The following DGKE variants were observed in gnomAD, a reference collection of about 807,000 sequenced individuals.
DGKE encodes DAG kinase epsilon.
Under a neutral mutation model 70.0 loss-of-function variants are expected in DGKE, and 53 were observed. The observed-to-expected ratio is 0.76, with a 90% confidence interval of 0.61 to 0.95. DGKE has a LOEUF of 0.95. DGKE is among the 40% of genes least tolerant of loss of function. DGKE has a pLI of 0.00. For missense variants in DGKE, 655 were observed against 706.9 expected (o/e 0.93, Z 0.83); for synonymous variants, 291 against 257.0 (o/e 1.13, Z -1.27).
At chr17:56,844,373 G>A (rs538666602) in intron 3 of DGKE, among the ~76,000 whole-genome samples, 195 bp downstream of exon 3, 16 of 152,050 alleles carry the variant, frequency 1.1e-4, no homozygotes, top group Non-Finnish European at 2.2e-4. Flanking sequence ...CCTAGAGATG[G>A]GTCAAAAATT....
At chr17:56,836,235 C>G (rs150322263) in intron 2 of DGKE, 1 of 151,984 alleles carries the variant, frequency 6.6e-6, no homozygotes, top group African/African-American at 2.4e-5. Context: ...GAAATTCTTT[C>G]ATTAGCATGA....
intron 7 of DGKE, among the ~76,000 whole-genome samples, chr17:56,854,689 AT>A (rs1220097159): frequency 1.3e-5 from 2 of 152,322 alleles, no homozygotes; most frequent in Non-Finnish European, 1.5e-5. Flanking sequence ...GCAAAAAAAA[AT>A]GATGTATTTC....
At position 56,851,663 on chromosome 17, in the gene DGKE, G is replaced by A. The variant is rs1907660323; in HGVS notation, c.1098+2431G>A. Among the ~76,000 whole-genome samples the A allele has an allele frequency of 4.6e-5, 7 of 152,064 alleles. No homozygotes were observed. The South Asian group carries it at 1.5e-3, about 32-fold the overall frequency. ...ATTGGAGGCACAAACAAACATTTAA[G>A]GAAAGCCTCTGCCATGAGAGAGCCC... is the stretch of plus-strand genomic sequence containing the variant. On this transcript the variant is annotated intron_variant, in intron 7 of 11. Transcript: ENST00000284061.
intron 2 of DGKE, 37 bp downstream of exon 2, chr17:56,835,296 G>A (rs1467722932): frequency 1.3e-6 from 2 of 1,563,786 alleles, no homozygotes; most frequent in Non-Finnish European, 1.7e-6. Context: ...CCCAGAATGC[G>A]CCGTGGGAAT....
At chr17:56,853,017 T>G (rs1006512432) in intron 7 of DGKE, among the ~76,000 whole-genome samples, 1 of 152,174 alleles carries the variant, frequency 6.6e-6, no homozygotes, top group African/African-American at 2.4e-5. Context: ...TTCAAAAAGT[T>G]TGAGATTTGG....
chr17:56,844,842 ACAT>A (rs912986996), intron 3 of DGKE, among the ~76,000 whole-genome samples: 27 of 152,304 alleles, frequency 1.8e-4, no homozygotes, highest in African/African-American at 6.3e-4. Flanking sequence ...TCTTAAGGAA[ACAT>A]CATAAAAATT....
At chr17:56,853,144 A>G (rs1282253877) in intron 7 of DGKE, among the ~76,000 whole-genome samples, 1 of 152,118 alleles carries the variant, frequency 6.6e-6, no homozygotes, top group Non-Finnish European at 1.5e-5. Context: ...TAATAAGATT[A>G]TTGGTTGTTA....
intron 6 of DGKE, 46 bp downstream of exon 6, chr17:56,848,899 T>A (rs2053964045): frequency 6.2e-7 from 1 of 1,611,322 alleles, no homozygotes; most frequent in Admixed American, 1.7e-5. Context: ...GATTTAGCCA[T>A]AATTGGTTAA....
At chr17:56,835,382 TAATA>T in intron 2 of DGKE, 123 bp downstream of exon 2, 2 of 1,014,014 alleles carry the variant, frequency 2.0e-6, no homozygotes, top group South Asian at 1.7e-5. Context: ...GGAAACAAGC[TAATA>T]AATAAACATC....
At chr17:56,852,431 A>G (rs1907710999) in intron 7 of DGKE, among the ~76,000 whole-genome samples, 1 of 151,594 alleles carries the variant, frequency 6.6e-6, no homozygotes, top group African/African-American at 2.4e-5. Flanking sequence ...AAAAATCAAG[A>G]AGTAATGATC....
In DGKE at chr17:56,843,155, T is replaced by C. The variant is rs115598244; in HGVS notation, c.465-864T>C. Among the ~76,000 whole-genome samples, 1,022 of 152,256 alleles carry C rather than the reference T, an allele frequency of 6.7e-3. 16 individuals are homozygous for C. Among genetic ancestry groups the C allele is most frequent in the African/African-American group, 0.023 (973 of 41,560 alleles). On this transcript the variant is annotated intron_variant, in intron 2 of 11. Transcript: ENST00000284061. ...CAAAGCACAAATATATATAAAACTATCATTTTAGATCAGCTTTTGTTTATG... is the reference window on the plus strand; with the variant it reads ...CAAAGCACAAATATATATAAAACTACCATTTTAGATCAGCTTTTGTTTATG...
In DGKE at chr17:56,862,663, G is replaced by C. The variant is rs1248760741; in HGVS notation, c.1576G>C (p.Ala526Pro). Residue 526 changes from alanine (A) to proline (P), a missense_variant, in exon 12 of 12, where the codon GCC becomes CCC. Coordinates refer to ENST00000284061, the MANE Select transcript of DGKE (RefSeq NM_003647.3). ...AATGCAGGTGGATGGGGAGCCTTGG[G>C]CCCAAGGGCCCTGCACTGTCACCAT... ...MPMQVDGEPW[A>P]QGPCTVTITH... 1.3e-6 allele frequency: 2 copies of C among 1,594,824 alleles called. No homozygotes were observed.
chr17:56,848,641 A>G (rs1907457041), intron 5 of DGKE, 55 bp from the exon 6 acceptor site: 5 of 1,571,522 alleles, frequency 3.2e-6, no homozygotes, highest in Non-Finnish European at 4.3e-6. Context: ...ACAAAATATT[A>G]TTACCCAGCA....
At chr17:56,859,770 A>G (rs1908183005) in intron 9 of DGKE, among the ~76,000 whole-genome samples, 1 of 152,218 alleles carries the variant, frequency 6.6e-6, no homozygotes, top group Admixed American at 6.5e-5. Flanking sequence ...AGAATCTGTA[A>G]TGGTTAATAG....
intron 4 of DGKE, 66 bp from the exon 5 acceptor site, chr17:56,847,856 A>G: frequency 1.6e-6 from 2 of 1,226,664 alleles, no homozygotes; most frequent in Non-Finnish European, 2.2e-6. Flanking sequence ...ATCTAGAGGG[A>G]AATCATCATT....
intron 2 of DGKE, among the ~76,000 whole-genome samples, chr17:56,840,475 A>G (rs1023074244): frequency 2.6e-5 from 4 of 152,078 alleles, no homozygotes; most frequent in Non-Finnish European, 5.9e-5. Context: ...TCCCAGGCTC[A>G]AGTGATTCAC....
intron 2 of DGKE, among the ~76,000 whole-genome samples, chr17:56,842,901 A>G (rs920649544): frequency 6.6e-6 from 1 of 152,188 alleles, no homozygotes; most frequent in East Asian, 1.9e-4. Context: ...TGTTTTACCA[A>G]TTGGGTCCAA....
chr17:56,851,331 G>A (rs1485843318), intron 7 of DGKE, among the ~76,000 whole-genome samples: 1 of 152,200 alleles, frequency 6.6e-6, no homozygotes, highest in Admixed American at 6.5e-5. Context: ...ACTCCGGAAA[G>A]TTTAGAGACT....
Position 56,862,664 on chromosome 17 carries a change from C to G in DGKE, c.1577C>G (p.Ala526Gly). Residue 526 changes from alanine (A) to glycine (G), a missense_variant, in exon 12 of 12, where the codon GCC (alanine) becomes GGC (glycine). Physicochemically the swap from Ala to Gly is moderately conservative, Grantham distance 60 (BLOSUM62 0). Transcript: ENST00000284061. ...MPMQVDGEPW[A>G]QGPCTVTITH... Reference sequence around the variant, plus strand: ...ATGCAGGTGGATGGGGAGCCTTGGGCCCAAGGGCCCTGCACTGTCACCATA... The same window carrying G: ...ATGCAGGTGGATGGGGAGCCTTGGGGCCAAGGGCCCTGCACTGTCACCATA... The G allele has an allele frequency of 5.6e-6, 9 of 1,596,342 alleles. No homozygotes were observed. Among genetic ancestry groups the G allele is most frequent in the Non-Finnish European group, 6.8e-6 (8 of 1,174,888 alleles).
Sources: gnomAD v4.1 joint callset for allele counts (sites outside exome capture counted in the v4.1 genomes callset) on GRCh38, gnomAD v4.1.1 for gene constraint, MANE v1.5 for transcripts, NCBI Gene and HGNC (gene_info 2026-07-23, HGNC 2026-07-21) for gene names.